The following CPEB3 variants were observed in gnomAD, a reference collection of about 807,000 sequenced individuals.
CPEB3 encodes the protein cytoplasmic polyadenylation element binding protein 3.
In CPEB3, 20 loss-of-function variants were observed where a neutral mutation model predicts 67.2. The observed-to-expected ratio is 0.30, with a 90% CI of 0.21 to 0.43. The LOEUF is 0.43. Among genes scored for constraint, CPEB3 ranks in the 20% least tolerant of loss-of-function variants. The pLI, the probability that CPEB3 is intolerant of heterozygous loss-of-function variation, is 1.00. For missense variants in CPEB3, 746 were observed against 968.6 expected (o/e 0.77, Z 3.05); for synonymous variants, 376 against 393.1 (o/e 0.96, Z 0.51).
At chr10:92,200,313 G>A (rs1016615274) in intron 2 of CPEB3, among the ~76,000 whole-genome samples, 1 of 152,046 alleles carries the variant, frequency 6.6e-6, no homozygotes, top group African/African-American at 2.4e-5. Flanking sequence ...GGGAGGCCGA[G>A]GTGGGCGGAT....
intron 4 of CPEB3, among the ~76,000 whole-genome samples, chr10:92,163,436 A>G (rs1286398719): frequency 6.6e-6 from 1 of 152,014 alleles, no homozygotes; most frequent in African/African-American, 2.4e-5. Context: ...AAAAAAAATT[A>G]CTTTCCTTGT....
chr10:92,275,909 C>T (rs1034641827), intron 1 of CPEB3, among the ~76,000 whole-genome samples: 1 of 134,066 alleles, frequency 7.5e-6, no homozygotes, highest in Non-Finnish European at 1.5e-5. Context: ...GGTGCAGTGT[C>T]GCGATCTTGG....
chr10:92,289,735 ATATAT>A (rs1280975533), intron 1 of CPEB3, among the ~76,000 whole-genome samples: 1 of 98,384 alleles, frequency 1.0e-5, no homozygotes, highest in East Asian at 2.7e-4. Context: ...AAAAAAAAAT[ATATAT>A]ATATATATAT....
intron 2 of CPEB3, among the ~76,000 whole-genome samples, chr10:92,212,334 T>C (rs1002535615): frequency 1.3e-5 from 2 of 149,148 alleles, no homozygotes; most frequent in Non-Finnish European, 1.5e-5. Flanking sequence ...CACTGCAACC[T>C]CCACTTCCCA....
intron 9 of CPEB3, among the ~76,000 whole-genome samples, chr10:92,053,512 C>T (rs562488964): frequency 4.0e-5 from 6 of 149,540 alleles, no homozygotes; most frequent in South Asian, 2.1e-4. Flanking sequence ...TACAGGAGTG[C>T]GCCACCACGC....
intron 8 of CPEB3, among the ~76,000 whole-genome samples, chr10:92,084,528 T>C (rs753314131): frequency 6.6e-6 from 1 of 152,124 alleles, no homozygotes; most frequent in Non-Finnish European, 1.5e-5. Context: ...GAGAAGAGTA[T>C]GAAAATTTCC....
At chr10:92,226,433 A>G (rs903388003) in intron 2 of CPEB3, among the ~76,000 whole-genome samples, 7 of 152,240 alleles carry the variant, frequency 4.6e-5, no homozygotes, top group Admixed American at 4.6e-4. Flanking sequence ...CCTGGTAGAA[A>G]CCAGCTAAAC....
At chr10:92,285,245 GC>G (rs1262286627) in intron 1 of CPEB3, among the ~76,000 whole-genome samples, 1 of 152,126 alleles carries the variant, frequency 6.6e-6, no homozygotes, top group Non-Finnish European at 1.5e-5. Flanking sequence ...CAAGACTGCT[GC>G]ATTAAAGTTT....
At chr10:92,181,474 A>G (rs909699230) in intron 3 of CPEB3, among the ~76,000 whole-genome samples, 2 of 152,112 alleles carry the variant, frequency 1.3e-5, no homozygotes, top group African/African-American at 4.8e-5. Context: ...CAATATAATA[A>G]TCAGAATGGC....
At chr10:92,261,507 G>T (rs765952546) in intron 1 of CPEB3, among the ~76,000 whole-genome samples, 8 of 152,064 alleles carry the variant, frequency 5.3e-5, no homozygotes, top group Non-Finnish European at 1.0e-4. Context: ...GAGTGCAATG[G>T]CGTGATCTCA....
intron 2 of CPEB3, among the ~76,000 whole-genome samples, chr10:92,234,928 AAAAAAC>A (rs1851455416): frequency 6.6e-6 from 1 of 152,108 alleles, no homozygotes; most frequent in African/African-American, 2.4e-5. Flanking sequence ...CCATCCCCCG[AAAAAAC>A]AAAAACAAAA....
chr10:92,239,353 G>A lies in CPEB3; in HGVS notation c.998C>T (p.Pro333Leu). ...GGTGCAGCAGAGTATTACCTGAAAT[G>A]GCAACAGATTGTTACCATTATCGGT... ...FRTDNGNNLL[P>L]FQDRSRPYDT... is the part of the protein sequence containing the mutation. The change falls in exon 2 of 10, where the codon CCA (proline) becomes CTA (leucine). Residue 333 changes from proline to leucine, a missense_variant. Around this residue, in one of 2 missense-constraint regions of CPEB3, gnomAD observed 643 missense variants for 717.5 expected, o/e 0.90. Transcript: ENST00000265997. The surrounding 1 kb of genome is among the most constrained non-coding windows in gnomAD (Gnocchi z 6.0). 1 of 1,605,152 alleles carries A rather than the reference G, an allele frequency of 6.2e-7. No homozygotes were observed. Among genetic ancestry groups the A allele is most frequent in the South Asian group, 1.1e-5 (1 of 89,638 alleles).
At chr10:92,258,956 C>A (rs2134870547) in intron 1 of CPEB3, among the ~76,000 whole-genome samples, 1 of 151,128 alleles carries the variant, frequency 6.6e-6, no homozygotes, top group Non-Finnish European at 1.5e-5. Context: ...CCACGCCTGG[C>A]CCTTTCTTTC....
intron 2 of CPEB3, among the ~76,000 whole-genome samples, chr10:92,198,720 T>C (rs1433654208): frequency 6.6e-6 from 1 of 152,216 alleles, no homozygotes; most frequent in Admixed American, 6.5e-5. Flanking sequence ...GTAGGTATTA[T>C]CTCCATTTCA....
intron 4 of CPEB3, among the ~76,000 whole-genome samples, chr10:92,177,038 C>G (rs541781927): frequency 2.0e-4 from 31 of 152,020 alleles, no homozygotes; most frequent in Admixed American, 7.9e-4. Flanking sequence ...CCCAGGGAAG[C>G]CACAAGGTTG....
chr10:92,281,946 T>C (rs575429067), intron 1 of CPEB3, among the ~76,000 whole-genome samples: 4 of 152,370 alleles, frequency 2.6e-5, no homozygotes, highest in African/African-American at 9.6e-5. Context: ...TAGTCTTGAC[T>C]TCACATGTTC....
chr10:92,184,018 T>C (rs1848577857), intron 3 of CPEB3, among the ~76,000 whole-genome samples: 1 of 152,228 alleles, frequency 6.6e-6, no homozygotes, highest in African/African-American at 2.4e-5. Context: ...CCTACATGGA[T>C]CCTTTTTGAC....
At chr10:92,261,036 A>AC (rs1291503819) in intron 1 of CPEB3, among the ~76,000 whole-genome samples, 1 of 152,192 alleles carries the variant, frequency 6.6e-6, no homozygotes, top group East Asian at 1.9e-4. Flanking sequence ...CTCTGCCTTA[A>AC]CAGCCAGTAG....
Position 92,278,891 on chromosome 10 carries a change from G to A in CPEB3, c.-12+12035C>T, listed in dbSNP as rs534974483. 2.6e-5 allele frequency among the ~76,000 whole-genome samples: 4 copies of A among 151,926 alleles called. No individual in the cohort carries two copies. The South Asian group carries it at 6.2e-4, about 24-fold the overall frequency. On this transcript the variant is annotated intron_variant, in intron 1 of 9. Transcript: ENST00000265997. Reference sequence around the variant, plus strand: ...TGGGATTACAGGCATGAGCCACCACGCCCAGCCTCATGTATTGGTTCTAAC... The same window carrying A: ...TGGGATTACAGGCATGAGCCACCACACCCAGCCTCATGTATTGGTTCTAAC...
Sources: gnomAD v4.1 joint callset for allele counts (sites outside exome capture counted in the v4.1 genomes callset) on GRCh38, gnomAD v4.1.1 for gene constraint, gnomAD v4.1.1 regional missense constraint, Gnocchi (gnomAD v3.1) non-coding constraint, MANE v1.5 for transcripts, NCBI Gene and HGNC (gene_info 2026-07-23, HGNC 2026-07-21) for gene names.